Variants in CEP83 observed in about 807,000 individuals in gnomAD.
CEP83 encodes centrosomal protein 83.
Under a neutral mutation model 101.9 loss-of-function variants are expected in CEP83, and 70 were observed. That is an observed-to-expected ratio of 0.69 (90% CI 0.57 to 0.84). The LOEUF is 0.84. Among genes scored for constraint, CEP83 ranks in the 40% least tolerant of loss-of-function variants. CEP83 has a pLI of 0.00. For synonymous variants in CEP83, 264 were observed against 267.9 expected (o/e 0.99, Z 0.14); for missense variants, 715 against 787.2 (o/e 0.91, Z 1.10).
intron 8 of CEP83, 69 bp from the exon 9 acceptor site, chr12:94,370,105 T>A: frequency 1.1e-6 from 1 of 876,670 alleles, no homozygotes; most frequent in South Asian, 1.5e-5. Context: ...CCCCAAAACA[T>A]AAGTGGAAAC....
intron 8 of CEP83, among the ~76,000 whole-genome samples, chr12:94,374,518 T>C (rs1265494451): frequency 2.0e-5 from 3 of 152,236 alleles, no homozygotes; most frequent in Admixed American, 1.3e-4. Context: ...TTGTATACTC[T>C]ATAGTTATAA....
chr12:94,399,713 G>A (rs76810705), intron 6 of CEP83, among the ~76,000 whole-genome samples: 3,594 of 152,266 alleles, frequency 0.024, 153 homozygotes, highest in African/African-American at 0.083. Flanking sequence ...CACAGAGCAA[G>A]ACCTCCTCTT....
intron 2 of CEP83, among the ~76,000 whole-genome samples, chr12:94,415,847 T>C (rs991733799): frequency 5.3e-5 from 8 of 152,098 alleles, no homozygotes; most frequent in Non-Finnish European, 1.0e-4. Context: ...CAATTAACCA[T>C]GCTGACCTAA....
chr12:94,314,319 G>A (rs1050990491), intron 14 of CEP83, among the ~76,000 whole-genome samples: 3 of 152,132 alleles, frequency 2.0e-5, no homozygotes, highest in African/African-American at 7.2e-5. Flanking sequence ...TTCCTTGTAG[G>A]TCAAGAGCAC....
At chr12:94,446,173 A>C (rs1345045707) in intron 1 of CEP83, among the ~76,000 whole-genome samples, 2 of 152,188 alleles carry the variant, frequency 1.3e-5, no homozygotes, top group Admixed American at 1.3e-4. Flanking sequence ...GTTCACCAAA[A>C]ATTAGGTAAG....
chr12:94,406,503 G>C (rs1408105950), intron 4 of CEP83, among the ~76,000 whole-genome samples: 1 of 152,006 alleles, frequency 6.6e-6, no homozygotes, highest in Non-Finnish European at 1.5e-5. Context: ...TGGGGGCAGG[G>C]GGGATAAACT....
intron 7 of CEP83, among the ~76,000 whole-genome samples, chr12:94,376,730 C>CACACAG (rs2061565655): frequency 9.4e-6 from 1 of 106,788 alleles, no homozygotes. Flanking sequence ...CACACACACA[C>CACACAG]ACATATATAT....
At chr12:94,305,236 T>TGCATGTAAAAGTCTTATTTGATGA (rs766207889), downstream of CEP83, 18 of 1,611,770 alleles carry the variant, frequency 1.1e-5, no homozygotes, top group Non-Finnish European at 1.4e-5. Context: ...AAACAACTCT[T>TGCATGTAAAAGTCTTATTTGATGA]GCATGTAAAA....
At chr12:94,426,866 C>CTGGAAAAGG (rs1202826093) in intron 2 of CEP83, among the ~76,000 whole-genome samples, 6 of 152,040 alleles carry the variant, frequency 3.9e-5, no homozygotes, top group Admixed American at 3.3e-4. Flanking sequence ...AAACCTACAG[C>CTGGAAAAGG]CACAAAAAGC....
chr12:94,345,412 T>C (rs1205949176), intron 11 of CEP83, among the ~76,000 whole-genome samples: 1 of 152,196 alleles, frequency 6.6e-6, no homozygotes, highest in East Asian at 1.9e-4. Context: ...TATTAGGCCC[T>C]TTGTTTATGG....
At chr12:94,311,471 G>C (rs962615162) in intron 15 of CEP83, among the ~76,000 whole-genome samples, 1 of 152,100 alleles carries the variant, frequency 6.6e-6, no homozygotes, top group Non-Finnish European at 1.5e-5. Flanking sequence ...ATTCTGAAGT[G>C]GGGGGCAGTC....
At chr12:94,433,749 A>G (rs2065809360) in intron 2 of CEP83, among the ~76,000 whole-genome samples, 2 of 152,080 alleles carry the variant, frequency 1.3e-5, no homozygotes, top group Non-Finnish European at 2.9e-5. Flanking sequence ...ATAATTAGAT[A>G]CCTATACCCA....
At chr12:94,323,556 A>G (rs866410645) in intron 14 of CEP83, among the ~76,000 whole-genome samples, 10 of 152,120 alleles carry the variant, frequency 6.6e-5, no homozygotes, top group African/African-American at 2.4e-4. Context: ...ATGAATCCCA[A>G]TGCGTGTACC....
At position 94,378,787 on chromosome 12, in the gene CEP83, T is replaced by C. The variant is rs1463793360; in HGVS notation, c.801+4A>G. 3 of 1,613,780 alleles carry C rather than the reference T, an allele frequency of 1.9e-6. No homozygotes were observed. The highest frequency in any genetic ancestry group is 2.2e-5 in the South Asian group (2 of 91,048). ...ACTCTACTGGGAAGTAATTAGAATC[T>C]TACCTCCAGGGATCTGACTGTAGCC... On this transcript the variant is annotated splice_donor_region_variant and intron_variant, in intron 7 of 16. Coordinates refer to ENST00000397809, the MANE Select transcript of CEP83 (RefSeq NM_016122.3).
At position 94,335,576 on chromosome 12, in the gene CEP83, G is replaced by A. The variant is rs367895895; in HGVS notation, c.1419+13C>T. On this transcript the variant is annotated intron_variant, in intron 12 of 16. Coordinates refer to ENST00000397809, the MANE Select transcript of CEP83 (RefSeq NM_016122.3). ...TTGAAAAAATAAAAGGAAAATCTTC[G>A]CTAAAATCATACCTGTTTTAGGTCA... is the stretch of plus-strand genomic sequence containing the variant. 15 of 1,490,476 alleles carry A rather than the reference G, an allele frequency of 1.0e-5. No individual in the cohort carries two copies. Among genetic ancestry groups the A allele is most frequent in the African/African-American group, 8.5e-5 (6 of 70,768 alleles). 92.3% of individuals were successfully genotyped at this position (1,490,476 alleles called of 1,614,324 possible). A position where few individuals can be genotyped will look rare whatever the true frequency, so the allele number is the denominator to read the frequency against.
At chr12:94,376,450 G>T (rs1377141495) in intron 7 of CEP83, among the ~76,000 whole-genome samples, 1 of 148,230 alleles carries the variant, frequency 6.7e-6, no homozygotes, top group South Asian at 2.1e-4. Flanking sequence ...TAAAATCAAT[G>T]ATTTTAAAAA....
chr12:94,423,673 G>A, intron 2 of CEP83: 1 of 1,573,908 alleles, frequency 6.4e-7, no homozygotes, highest in Non-Finnish European at 8.6e-7. Context: ...TTAACCCTCT[G>A]GAATTTGGGA....
chr12:94,283,980 G>T, the CEP83 span, among the ~76,000 whole-genome samples: 1 of 152,032 alleles, frequency 6.6e-6, no homozygotes, highest in Non-Finnish European at 1.5e-5. Flanking sequence ...CTACTTGGGA[G>T]GCTGAGGCAG....
intron 6 of CEP83, among the ~76,000 whole-genome samples, chr12:94,398,192 T>A (rs4761613): frequency 6.6e-6 from 1 of 152,038 alleles, no homozygotes; most frequent in African/African-American, 2.4e-5. Flanking sequence ...GGGCATTTTG[T>A]AAATGTTATG....
Sources: allele counts gnomAD v4.1 joint callset (sites outside exome capture counted in the v4.1 genomes callset), GRCh38; gene constraint gnomAD v4.1.1; transcripts MANE v1.5; gene names NCBI Gene and HGNC (gene_info 2026-07-23, HGNC 2026-07-21).